The following PIAS2 variants were observed in gnomAD, a reference collection of about 807,000 sequenced individuals.
PIAS2 encodes E3 SUMO-protein ligase PIAS2.
PIAS2 carries 19 observed loss-of-function variants against 69.7 expected under a neutral mutation model. The ratio of observed to expected loss-of-function variants is 0.27; its 90% confidence interval spans 0.19 to 0.40. The LOEUF is 0.40. Ranked by LOEUF, PIAS2 falls within the 10% of genes least tolerant of loss-of-function variation. The pLI is 1.00. For missense variants in PIAS2, 624 were observed against 757.0 expected, an observed-to-expected ratio of 0.82 and a Z score of 2.06; for synonymous variants, 261 against 263.2, an observed-to-expected ratio of 0.99 and a Z score of 0.08.
intron 1 of PIAS2, among the ~76,000 whole-genome samples, chr18:46,908,460 A>G (rs1467859621): frequency 1.3e-5 from 2 of 152,198 alleles, no homozygotes; most frequent in African/African-American, 4.8e-5. Flanking sequence ...TTCTTTGAGG[A>G]AAAACCATGC....
At chr18:46,876,458 T>C (rs1463528595) in intron 2 of PIAS2, among the ~76,000 whole-genome samples, 2 of 152,140 alleles carry the variant, frequency 1.3e-5, no homozygotes, top group Non-Finnish European at 2.9e-5. Flanking sequence ...GAGATGCTAG[T>C]AAAGGAACAG....
At chr18:46,910,071 G>A (rs2057083873) in intron 1 of PIAS2, among the ~76,000 whole-genome samples, 1 of 152,128 alleles carries the variant, frequency 6.6e-6, no homozygotes, top group Non-Finnish European at 1.5e-5. Flanking sequence ...CAGTAAAATT[G>A]CTTGAACCTG....
At chr18:46,889,219 C>T (rs374315216) in intron 2 of PIAS2, among the ~76,000 whole-genome samples, 1 of 152,004 alleles carries the variant, frequency 6.6e-6, no homozygotes, top group East Asian at 1.9e-4. Flanking sequence ...GCAACAACAA[C>T]AAAAAATAAA....
At chr18:46,818,219 T>C (rs1336072723) in intron 12 of PIAS2, 2 of 1,208,034 alleles carry the variant, frequency 1.7e-6, no homozygotes, top group Non-Finnish European at 2.1e-6. Context: ...CATGATTAAA[T>C]ATGTAAATGT....
intron 8 of PIAS2, among the ~76,000 whole-genome samples, chr18:46,842,319 G>C (rs964703454): frequency 6.7e-6 from 1 of 149,482 alleles, no homozygotes; most frequent in African/African-American, 2.5e-5. Flanking sequence ...GAATCTGTTA[G>C]TATGTTTGGC....
chr18:46,814,617 G>A (rs1013685872), intron 13 of PIAS2, among the ~76,000 whole-genome samples: 2 of 152,136 alleles, frequency 1.3e-5, no homozygotes, highest in African/African-American at 4.8e-5. Flanking sequence ...AGCCCATGAA[G>A]CAGTGACCCG....
intron 1 of PIAS2, among the ~76,000 whole-genome samples, chr18:46,912,185 A>G (rs936413710): frequency 6.6e-6 from 1 of 152,194 alleles, no homozygotes; most frequent in African/African-American, 2.4e-5. Flanking sequence ...AAGTGAGGAA[A>G]TATAGTTGTC....
In PIAS2 at chr18:46,805,022, AC is replaced by A. The variant is rs1334573873; in HGVS notation, c.*7410del. 1 of 152,260 alleles carries A rather than the reference AC, an allele frequency of 6.6e-6. No homozygotes were observed. Among genetic ancestry groups the A allele is most frequent in the Non-Finnish European group, 1.5e-5 (1 of 68,070 alleles). 9.4% of individuals were successfully genotyped at this position (152,260 alleles called of 1,614,324 possible). A position where few individuals can be genotyped will look rare whatever the true frequency, so the allele number is the denominator to read the frequency against. On this transcript the variant is annotated 3_prime_UTR_variant, in exon 14 of 14. Transcript: ENST00000585916. ...CCTACCTCATTCTCTGAAACTGGAA[AC>A]AAAAAAGGATGGAGGTGGTCATAGG...
chr18:46,919,305 G>A (rs1387242876), upstream of PIAS2, among the ~76,000 whole-genome samples: 1 of 152,048 alleles, frequency 6.6e-6, no homozygotes, highest in Non-Finnish European at 1.5e-5. Context: ...TGACCAACAT[G>A]GAGAAACCCC....
intron 3 of PIAS2, among the ~76,000 whole-genome samples, chr18:46,862,981 C>G (rs761604815): frequency 1.3e-5 from 2 of 152,170 alleles, no homozygotes; most frequent in Non-Finnish European, 2.9e-5. Context: ...GCTGGGATTA[C>G]AAGCATGAGC....
chr18:46,855,795 T>G (rs1158863095), intron 3 of PIAS2, among the ~76,000 whole-genome samples, 180 bp from the exon 4 acceptor site: 2 of 152,192 alleles, frequency 1.3e-5, no homozygotes, highest in Non-Finnish European at 2.9e-5. Context: ...TAAACCTGAC[T>G]TGCTTAACTT....
chr18:46,890,747 G>C lies in PIAS2; in HGVS notation c.332C>G (p.Pro111Arg), dbSNP rs61760985. 5.0e-6 allele frequency: 8 copies of C among 1,614,032 alleles called. No homozygotes were observed. Among genetic ancestry groups the C allele is most frequent in the Non-Finnish European group, 6.8e-6 (8 of 1,180,030 alleles). The change falls in exon 2 of 14, where the codon CCT (proline) becomes CGT (arginine). Residue 111 changes from proline to arginine, a missense_variant. Coordinates refer to ENST00000585916, the MANE Select transcript of PIAS2 (RefSeq NM_004671.5). The stretch of plus-strand genomic sequence containing the variant: ...ACCAACAGGAGAGGATGGTGAGTGA[G>C]GTGTAACTGAAGTGGAAGGCAACGA... Reference protein sequence around the residue: ...IHSLPSTSVTPHSPSSPVGSV... With the variant: ...IHSLPSTSVTRHSPSSPVGSV...
chr18:46,917,645 C>G, upstream of PIAS2: 1 of 795,072 alleles, frequency 1.3e-6, no homozygotes. Context: ...CCCCGGCGTG[C>G]TGCCCCGCGG....
chr18:46,906,637 TA>T (rs1454998729), intron 1 of PIAS2, among the ~76,000 whole-genome samples: 10 of 151,984 alleles, frequency 6.6e-5, no homozygotes, highest in African/African-American at 2.2e-4. Flanking sequence ...AAAGATGTTG[TA>T]AAAAACCTAA....
intron 13 of PIAS2, among the ~76,000 whole-genome samples, chr18:46,813,316 A>G (rs745703736): frequency 6.6e-6 from 1 of 152,158 alleles, no homozygotes; most frequent in African/African-American, 2.4e-5. Flanking sequence ...CCTAGTGCTC[A>G]TATTTCACAA....
chr18:46,908,558 C>CA (rs1233063073), intron 1 of PIAS2, among the ~76,000 whole-genome samples: 1 of 151,196 alleles, frequency 6.6e-6, no homozygotes, highest in Non-Finnish European at 1.5e-5. Flanking sequence ...AAAACAAAAA[C>CA]AAAAAACAAA....
At chr18:46,900,946 C>T (rs917140119) in intron 1 of PIAS2, 9 of 327,092 alleles carry the variant, frequency 2.8e-5, no homozygotes, top group African/African-American at 2.0e-4. Context: ...TGTACTCCAG[C>T]CTGGGTGATA....
intron 2 of PIAS2, among the ~76,000 whole-genome samples, chr18:46,882,391 A>C (rs2052417609): frequency 6.6e-6 from 1 of 152,162 alleles, no homozygotes. Context: ...GTGTATAGGG[A>C]AAACAGTACC....
chr18:46,917,183 C>T, intron 1 of PIAS2, 139 bp downstream of exon 1: 1 of 1,181,922 alleles, frequency 8.5e-7, no homozygotes, highest in East Asian at 4.0e-5. Context: ...CCTCGGCGCC[C>T]GTTCGTCCGC....
Sources: gnomAD v4.1 joint callset for allele counts (sites outside exome capture counted in the v4.1 genomes callset) on GRCh38, gnomAD v4.1.1 for gene constraint, MANE v1.5 for transcripts, NCBI Gene and HGNC (gene_info 2026-07-23, HGNC 2026-07-21) for gene names.